Variants in MAPK8IP3 observed in about 807,000 individuals in gnomAD.
MAPK8IP3 encodes the protein mitogen-activated protein kinase 8 interacting protein 3.
A neutral mutation model predicts 157.8 loss-of-function variants in MAPK8IP3; 49 were observed. The ratio of observed to expected loss-of-function variants is 0.31; its 90% CI spans 0.25 to 0.39. The LOEUF (loss-of-function observed/expected upper bound fraction) is 0.39, where lower values mean the gene tolerates loss of function less well. MAPK8IP3 is among the 10% of genes least tolerant of loss of function. MAPK8IP3 has a pLI of 1.00. For missense variants in MAPK8IP3, 1,478 were observed against 1,889.4 expected, an observed-to-expected ratio of 0.78 and a Z score of 4.04; for synonymous variants, 897 against 777.7, an observed-to-expected ratio of 1.15 and a Z score of -2.55.
intron 5 of MAPK8IP3, chr16:1,744,448 G>A: frequency 1.0e-6 from 1 of 985,864 alleles, no homozygotes; most frequent in Non-Finnish European, 1.2e-6. Flanking sequence ...ACCTGCTGCT[G>A]CGCTGCTCTG....
intron 1 of MAPK8IP3, among the ~76,000 whole-genome samples, chr16:1,709,513 G>A (rs1182588381): frequency 6.6e-6 from 1 of 152,282 alleles, no homozygotes; most frequent in Non-Finnish European, 1.5e-5. Context: ...CCCTTGACGG[G>A]TTCTCAGGGC....
intron 4 of MAPK8IP3, among the ~76,000 whole-genome samples, chr16:1,737,521 TGTGAGTGTGTGACCATTCGTGTGAGA>T (rs2040075055): frequency 1.0e-5 from 1 of 96,096 alleles, no homozygotes; most frequent in African/African-American, 3.9e-5. Context: ...TGACCGTCCG[TGTGAGTGTGTGACCATTCGTGTGAGA>T]GTGTGACCAT....
In MAPK8IP3 at chr16:1,747,017, G is replaced by A. The variant is rs368253536; in HGVS notation, c.748-12G>A. The A allele has an allele frequency of 1.9e-6, 3 of 1,612,650 alleles. No homozygotes were observed. Among genetic ancestry groups the A allele is most frequent in the Non-Finnish European group, 2.5e-6 (3 of 1,179,268 alleles). On this transcript the variant is annotated splice_polypyrimidine_tract_variant and intron_variant, in intron 5 of 31. Transcript: ENST00000610761. ...GTGACTCGCTCTCCCTCCTCCCTGT[G>A]TTTGGCCTTAGTGTCCACAGGATGA... is the stretch of plus-strand genomic sequence containing the variant.
At chr16:1,763,968 G>A in intron 17 of MAPK8IP3, 147 bp from the exon 18 acceptor site, 2 of 1,057,186 alleles carry the variant, frequency 1.9e-6, no homozygotes, top group Non-Finnish European at 2.7e-6. Flanking sequence ...GGTCGGAGAA[G>A]GAGCCCCGCG....
chr16:1,757,651 A>G (rs943605009), intron 8 of MAPK8IP3, among the ~76,000 whole-genome samples: 1 of 151,982 alleles, frequency 6.6e-6, no homozygotes, highest in African/African-American at 2.4e-5. Flanking sequence ...TTGTGACTTC[A>G]GTCATCCTTC....
intron 4 of MAPK8IP3, among the ~76,000 whole-genome samples, chr16:1,737,873 A>G (rs2040143389): frequency 1.6e-5 from 1 of 62,488 alleles, no homozygotes; most frequent in African/African-American, 6.4e-5. Context: ...CATCTGTGTG[A>G]CCGTCCGTGT....
intron 3 of MAPK8IP3, 54 bp from the exon 4 acceptor site, chr16:1,729,433 G>T: frequency 6.6e-7 from 1 of 1,520,350 alleles, no homozygotes; most frequent in East Asian, 2.3e-5. Context: ...AGGTTAGAGG[G>T]GACGGAGACA....
At chr16:1,746,326 C>T (rs1164243687) in intron 5 of MAPK8IP3, 1 of 152,256 alleles carries the variant, frequency 6.6e-6, no homozygotes, top group Admixed American at 6.5e-5. Context: ...ATGCGCTCCT[C>T]CCTAGCGAGC....
At chr16:1,740,074 G>GTA (rs1555450584) in intron 4 of MAPK8IP3, among the ~76,000 whole-genome samples, 1 of 126,840 alleles carries the variant, frequency 7.9e-6, no homozygotes, top group African/African-American at 3.1e-5. Context: ...GTGTGAGCGT[G>GTA]AGCATCCGTG....
intron 19 of MAPK8IP3, 95 bp from the exon 20 acceptor site, chr16:1,764,918 T>C: frequency 7.8e-7 from 1 of 1,287,176 alleles, no homozygotes; most frequent in East Asian, 2.4e-5. Context: ...TAGTCAAGGC[T>C]GGATCCTGAC....
intron 2 of MAPK8IP3, among the ~76,000 whole-genome samples, chr16:1,727,451 CTTGTG>C (rs201187401): frequency 0.037 from 5,649 of 152,068 alleles, 158 homozygotes; most frequent in Admixed American, 0.091. Flanking sequence ...GTCTGTAAGT[CTTGTG>C]TTGTGTGCGG....
Position 1,747,016 on chromosome 16 carries a change from T to C in MAPK8IP3, c.748-13T>C, listed in dbSNP as rs1482537145. 1.3e-5 allele frequency: 21 copies of C among 1,612,572 alleles called. No individual in the cohort carries two copies. The highest frequency in any genetic ancestry group is 1.8e-5 in the Non-Finnish European group (21 of 1,179,186). On this transcript the variant is annotated splice_polypyrimidine_tract_variant and intron_variant, in intron 5 of 31. Coordinates refer to ENST00000610761, the MANE Select transcript of MAPK8IP3 (RefSeq NM_001318852.2). ...AGTGACTCGCTCTCCCTCCTCCCTG[T>C]GTTTGGCCTTAGTGTCCACAGGATG...
At chr16:1,725,957 T>A (rs1483059033) in intron 2 of MAPK8IP3, among the ~76,000 whole-genome samples, 1 of 152,202 alleles carries the variant, frequency 6.6e-6, no homozygotes, top group Non-Finnish European at 1.5e-5. Context: ...GTGCTGGGAT[T>A]ACAGGCGCGA....
chr16:1,743,205 C>T lies in MAPK8IP3; in HGVS notation c.603-127C>T, dbSNP rs575590621. On this transcript the variant is annotated intron_variant, in intron 4 of 31. Coordinates refer to ENST00000610761, the MANE Select transcript of MAPK8IP3 (RefSeq NM_001318852.2). The surrounding 1 kb of genome is among the most constrained non-coding windows in gnomAD (Gnocchi z 5.6). Reference sequence around the variant, plus strand: ...GTAGGATCATAACTGAGTAGCTGCTCGAGCTGGGCTGCTGGCTGGCATGGA... The same window carrying T: ...GTAGGATCATAACTGAGTAGCTGCTTGAGCTGGGCTGCTGGCTGGCATGGA... The T allele has an allele frequency of 6.0e-6, 8 of 1,337,232 alleles. No individual in the cohort carries two copies. Among genetic ancestry groups the T allele is most frequent in the African/African-American group, 1.5e-5 (1 of 65,246 alleles). The allele number at this position is 1,337,232 out of a possible 1,614,324, so 82.8% of individuals were successfully genotyped here.
chr16:1,736,265 CGT>C (rs1197816312), intron 4 of MAPK8IP3, among the ~76,000 whole-genome samples: 35 of 48,572 alleles, frequency 7.2e-4, no homozygotes, highest in South Asian at 1.3e-3. Flanking sequence ...TCCGTGTGAG[CGT>C]GTGACCATCC....
At position 1,764,447 on chromosome 16, in the gene MAPK8IP3, C is replaced by T. The variant is rs759951795; in HGVS notation, c.2268C>T (p.Pro756=). ...AGCCCAAGAGCGCCCACACGTCTCC[C>T]GAGAAGAAGAAGGTGAGCATGGCCG... is the stretch of plus-strand genomic sequence containing the variant. The part of the protein sequence containing the change: ...DGEPKSAHTS[P]EKKKAKELPE... Residue 756 remains proline, a synonymous_variant, in exon 19 of 32, where the codon CCC becomes CCT. Coordinates refer to ENST00000610761, the MANE Select transcript of MAPK8IP3 (RefSeq NM_001318852.2). 12 of 1,608,356 alleles carry T rather than the reference C, an allele frequency of 7.5e-6. No homozygotes were observed. Among genetic ancestry groups the T allele is most frequent in the East Asian group, 2.2e-5 (1 of 44,776 alleles).
intron 11 of MAPK8IP3, 85 bp downstream of exon 11, chr16:1,760,100 T>C (rs2141916702): frequency 4.1e-6 from 6 of 1,472,276 alleles, no homozygotes; most frequent in South Asian, 2.3e-5. Flanking sequence ...AGAGGGCGCC[T>C]TGGGGAGCAC....
At position 1,762,716 on chromosome 16, in the gene MAPK8IP3, C is replaced by T. The variant is rs1331704250; in HGVS notation, c.1712C>T (p.Ser571Leu). ...EHPSVQEKKKSTIWQFFSRLF... is the reference protein window; with the variant it reads ...EHPSVQEKKKLTIWQFFSRLF... The stretch of plus-strand genomic sequence containing the variant: ...CCATCCGTCCAGGAGAAGAAGAAGT[C>T]GACCATCTGGCAGTTGTAAGCTGGG... Residue 571 changes from serine to leucine, a missense_variant, in exon 15 of 32, where the codon TCG becomes TTG. By Grantham distance (145) the Ser-to-Leu change is moderately radical. Transcript: ENST00000610761. The T allele has an allele frequency of 4.4e-6, 7 of 1,574,160 alleles. No homozygotes were observed. Among genetic ancestry groups the T allele is most frequent in the Admixed American group, 1.8e-5 (1 of 56,022 alleles).
chr16:1,748,549 C>G, intron 7 of MAPK8IP3, 53 bp from the exon 8 acceptor site: 1 of 1,453,968 alleles, frequency 6.9e-7, no homozygotes, highest in Non-Finnish European at 9.7e-7. Context: ...GACGCAGCCA[C>G]TCCGGGCTGC....
Sources: allele counts gnomAD v4.1 joint callset (sites outside exome capture counted in the v4.1 genomes callset), GRCh38; gene constraint gnomAD v4.1.1; non-coding constraint Gnocchi (gnomAD v3.1); transcripts MANE v1.5; gene names NCBI Gene and HGNC (gene_info 2026-07-23, HGNC 2026-07-21).